The following KIF6 variants were observed in gnomAD, a reference collection of about 807,000 sequenced individuals.
KIF6 encodes kinesin family member 6, also known as kinesin-like protein KIF6.
Under a neutral mutation model 112.7 loss-of-function variants are expected in KIF6, and 106 were observed. That is an observed-to-expected ratio of 0.94 (90% CI 0.80 to 1.11). The LOEUF (loss-of-function observed/expected upper bound fraction) is 1.11, where lower values mean the gene tolerates loss of function less well. KIF6 is among the 50% of genes least tolerant of loss of function. The pLI is 0.00. For synonymous variants in KIF6, 339 were observed against 339.9 expected, an observed-to-expected ratio of 1.00 and a Z score of 0.03; for missense variants, 929 against 964.0, an observed-to-expected ratio of 0.96 and a Z score of 0.48.
chr6:39,484,222 C>G (rs1774981114), intron 13 of KIF6, among the ~76,000 whole-genome samples: 1 of 152,166 alleles, frequency 6.6e-6, no homozygotes, highest in Non-Finnish European at 1.5e-5. Flanking sequence ...CTTTACAGGG[C>G]CTGCTCCATG....
intron 3 of KIF6, among the ~76,000 whole-genome samples, chr6:39,706,638 T>G (rs574841077): frequency 6.6e-6 from 1 of 152,234 alleles, no homozygotes; most frequent in Non-Finnish European, 1.5e-5. Context: ...AAATTCAGCA[T>G]AGCAGCAAGT....
intron 15 of KIF6, among the ~76,000 whole-genome samples, chr6:39,388,696 T>C (rs1285860722): frequency 6.6e-6 from 1 of 152,174 alleles, no homozygotes; most frequent in African/African-American, 2.4e-5. Context: ...TTGAGGGGGA[T>C]TGCAGAATTC....
chr6:39,404,005 CTGTT>C (rs1223874443), intron 15 of KIF6, among the ~76,000 whole-genome samples: 1 of 151,848 alleles, frequency 6.6e-6, no homozygotes, highest in East Asian at 1.9e-4. Flanking sequence ...AATAAATGAA[CTGTT>C]TGTTTTCTGA....
At chr6:39,539,235 A>T (rs563737947) in intron 13 of KIF6, among the ~76,000 whole-genome samples, 360 of 149,026 alleles carry the variant, frequency 2.4e-3, no homozygotes, top group African/African-American at 7.3e-3. Context: ...AAATAAAATT[A>T]AAAAAAAAAG....
At chr6:39,725,220 G>C (rs1238438974) in intron 1 of KIF6, 25 bp downstream of exon 1, 1 of 1,599,034 alleles carries the variant, frequency 6.3e-7, no homozygotes, top group African/African-American at 1.4e-5. Flanking sequence ...CGCCGCGCCG[G>C]CGCCCCGGAG....
intron 13 of KIF6, among the ~76,000 whole-genome samples, chr6:39,513,927 A>G (rs1776921906): frequency 6.6e-6 from 1 of 152,216 alleles, no homozygotes; most frequent in Admixed American, 6.5e-5. Flanking sequence ...TAATATTACA[A>G]AAAAAGTTTT....
At chr6:39,660,933 C>T (rs1238603252) in intron 3 of KIF6, among the ~76,000 whole-genome samples, 1 of 152,158 alleles carries the variant, frequency 6.6e-6, no homozygotes, top group Non-Finnish European at 1.5e-5. Context: ...CATGAAATCA[C>T]CTTGCAGTGC....
chr6:39,677,149 T>C (rs1787192008), intron 3 of KIF6, among the ~76,000 whole-genome samples: 1 of 152,128 alleles, frequency 6.6e-6, no homozygotes, highest in Non-Finnish European at 1.5e-5. Flanking sequence ...ACTGTGGGCT[T>C]TAGAAAAGAT....
At chr6:39,404,738 A>G (rs751040798) in intron 15 of KIF6, among the ~76,000 whole-genome samples, 1 of 152,184 alleles carries the variant, frequency 6.6e-6, no homozygotes, top group Non-Finnish European at 1.5e-5. Flanking sequence ...GAACTGCATT[A>G]CATTTAAAGG....
intron 7 of KIF6, among the ~76,000 whole-genome samples, chr6:39,590,049 A>G (rs1438158069): frequency 6.6e-6 from 1 of 152,118 alleles, no homozygotes; most frequent in African/African-American, 2.4e-5. Flanking sequence ...GGTTTGAGAG[A>G]ACCAAGTTTC....
chr6:39,393,263 C>T (rs906812239), intron 15 of KIF6, among the ~76,000 whole-genome samples: 1 of 152,216 alleles, frequency 6.6e-6, no homozygotes, highest in Non-Finnish European at 1.5e-5. Context: ...GGCAGCCAAG[C>T]GTGGAGGGTG....
rs979452869 is a variant in KIF6 at position 39,378,148 on chromosome 6, C to A, written c.1861+7474G>T. ...CACAGAAGTTGGGTCAAGGGGTAAA[C>A]GCAGAGAAGCGTAAATGCAGAGAAA... is the stretch of plus-strand genomic sequence containing the variant. On this transcript the variant is annotated intron_variant, in intron 16 of 22. Transcript: ENST00000287152. The surrounding 1 kb of genome is among the most constrained non-coding windows in gnomAD (Gnocchi z 5.0). Among the ~76,000 whole-genome samples, 1 of 151,952 alleles carries A rather than the reference C, an allele frequency of 6.6e-6. No homozygotes were observed. Among genetic ancestry groups the A allele is most frequent in the African/African-American group, 2.4e-5 (1 of 41,366 alleles).
intron 4 of KIF6, among the ~76,000 whole-genome samples, chr6:39,638,438 A>T (rs1282909601): frequency 2.0e-5 from 3 of 152,130 alleles, no homozygotes; most frequent in African/African-American, 7.2e-5. Flanking sequence ...AAATGTGGGA[A>T]CAAAACAGGC....
chr6:39,505,482 A>G (rs1157200731), intron 13 of KIF6, among the ~76,000 whole-genome samples: 2 of 152,228 alleles, frequency 1.3e-5, no homozygotes, highest in African/African-American at 4.8e-5. Context: ...AATTGCAACA[A>G]AAGCAAAAAT....
chr6:39,535,843 C>A (rs866916910), intron 13 of KIF6, among the ~76,000 whole-genome samples: 1 of 151,848 alleles, frequency 6.6e-6, no homozygotes, highest in Admixed American at 6.6e-5. Flanking sequence ...TGTAAAAGAA[C>A]AGAAATTATA....
At chr6:39,476,875 A>G (rs1415950932) in intron 13 of KIF6, among the ~76,000 whole-genome samples, 2 of 152,196 alleles carry the variant, frequency 1.3e-5, no homozygotes, top group Non-Finnish European at 2.9e-5. Context: ...ATCATATTTT[A>G]TGCTTCTTGA....
intron 19 of KIF6, among the ~76,000 whole-genome samples, chr6:39,356,162 T>C (rs1581659613): frequency 6.6e-6 from 1 of 152,240 alleles, no homozygotes; most frequent in East Asian, 1.9e-4. Context: ...TTGGGATGTG[T>C]CTGATGTTTT....
At chr6:39,456,889 C>A (rs1388200767) in intron 13 of KIF6, among the ~76,000 whole-genome samples, 1 of 151,328 alleles carries the variant, frequency 6.6e-6, no homozygotes, top group Admixed American at 6.6e-5. Flanking sequence ...GAGTGACCTA[C>A]AAAGAGACTT....
chr6:39,679,336 C>A (rs1002350226), intron 3 of KIF6, among the ~76,000 whole-genome samples: 1 of 152,064 alleles, frequency 6.6e-6, no homozygotes, highest in Non-Finnish European at 1.5e-5. Flanking sequence ...TGCATTAGGG[C>A]GGTATTATCC....
Sources: allele counts gnomAD v4.1 joint callset (sites outside exome capture counted in the v4.1 genomes callset), GRCh38; gene constraint gnomAD v4.1.1; non-coding constraint Gnocchi (gnomAD v3.1); transcripts MANE v1.5; gene names NCBI Gene and HGNC (gene_info 2026-07-23, HGNC 2026-07-21).